Variants in PLCG2 observed in about 807,000 individuals in gnomAD.
PLCG2 encodes 1-phosphatidylinositol 4,5-bisphosphate phosphodiesterase gamma-2.
In PLCG2, 69 loss-of-function variants were observed where a neutral mutation model predicts 175.6. The ratio of observed to expected loss-of-function variants is 0.39; its 90% confidence interval spans 0.32 to 0.48. The LOEUF (loss-of-function observed/expected upper bound fraction) is 0.48, where lower values mean the gene tolerates loss of function less well. Among genes scored for constraint, PLCG2 ranks in the 20% least tolerant of loss-of-function variants. The probability of loss-of-function intolerance (pLI) is 0.91; values close to 1 mark genes in which losing one functional copy is unlikely to be tolerated. For missense variants in PLCG2, 1,798 were observed against 1,650.9 expected, an observed-to-expected ratio of 1.09 and a Z score of -1.54; for synonymous variants, 827 against 624.0, an observed-to-expected ratio of 1.33 and a Z score of -4.85.
intron 1 of PLCG2, among the ~76,000 whole-genome samples, chr16:81,748,921 A>G (rs1279140076): frequency 2.0e-5 from 3 of 152,196 alleles, no homozygotes; most frequent in East Asian, 1.9e-4. Flanking sequence ...AGTCTTGACT[A>G]TGACTGTACC....
chr16:81,900,102 G>A (rs1909080944), intron 13 of PLCG2, among the ~76,000 whole-genome samples: 1 of 29,090 alleles, frequency 3.4e-5, no homozygotes, highest in Admixed American at 5.0e-4. Flanking sequence ...ATAAATGTAT[G>A]CATGCACACA....
At chr16:81,846,970 G>C (rs1258561928) in intron 2 of PLCG2, among the ~76,000 whole-genome samples, 1 of 152,084 alleles carries the variant, frequency 6.6e-6, no homozygotes, top group African/African-American at 2.4e-5. Context: ...GTTCAATTCT[G>C]ATACTATCTA....
chr16:81,849,419 G>C (rs1160452658), intron 2 of PLCG2, among the ~76,000 whole-genome samples: 1 of 152,126 alleles, frequency 6.6e-6, no homozygotes, highest in African/African-American at 2.4e-5. Flanking sequence ...CTTTAGTTAT[G>C]TATAATTTTT....
At chr16:81,943,576 A>AACATGAGATTTGGGTGGGGACACAGAG (rs1302806102) in intron 30 of PLCG2, among the ~76,000 whole-genome samples, 5 of 152,144 alleles carry the variant, frequency 3.3e-5, no homozygotes, top group Non-Finnish European at 7.4e-5. Context: ...AGATTTCTTC[A>AACATGAGATTTGGGTGGGGACACAGAG]CCAATGTCCA....
chr16:81,769,807 G>C (rs998832406), intron 2 of PLCG2, among the ~76,000 whole-genome samples: 12 of 127,960 alleles, frequency 9.4e-5, no homozygotes, highest in African/African-American at 3.8e-4. Flanking sequence ...GCGACAGAGC[G>C]AGACTCCGTC....
In PLCG2 at chr16:81,873,334, A is replaced by G. The variant is rs57004254; in HGVS notation, c.648+2399A>G. Among the ~76,000 whole-genome samples, 899 of 152,342 alleles carry G rather than the reference A, an allele frequency of 5.9e-3. 8 individuals carry two copies. Among genetic ancestry groups the G allele is most frequent in the African/African-American group, 0.018 (759 of 41,570 alleles). ...TGTAACAACCACAACAAAAACCATGATTCATAAAAGCTTATCAGAATACTT... is the reference window on the plus strand; with the variant it reads ...TGTAACAACCACAACAAAAACCATGGTTCATAAAAGCTTATCAGAATACTT... On this transcript the variant is annotated intron_variant, in intron 7 of 32. Transcript: ENST00000564138.
chr16:81,841,121 T>C lies in PLCG2; in HGVS notation c.194-13323T>C, dbSNP rs74029247. Among the ~76,000 whole-genome samples the C allele has an allele frequency of 8.6e-3, 1,304 of 152,310 alleles. 22 individuals carry two copies. The highest frequency in any genetic ancestry group is 0.028 in the African/African-American group (1,162 of 41,556). On this transcript the variant is annotated intron_variant, in intron 2 of 32. Coordinates refer to ENST00000564138, the MANE Select transcript of PLCG2 (RefSeq NM_002661.5). ...ATTTTCGCCTCTGCTGTCAGCGCAG[T>C]GGCAACAACTCTGTTGTTTATTATC...
intron 1 of PLCG2, among the ~76,000 whole-genome samples, chr16:81,782,594 T>C (rs1213894386): frequency 6.6e-6 from 1 of 152,208 alleles, no homozygotes; most frequent in African/African-American, 2.4e-5. Flanking sequence ...TGTTTCCAAT[T>C]GCATCTCATA....
intron 1 of PLCG2, among the ~76,000 whole-genome samples, chr16:81,754,548 G>C (rs1312322654): frequency 1.4e-5 from 2 of 143,996 alleles, no homozygotes; most frequent in African/African-American, 5.2e-5. Context: ...GCTGGGTGGT[G>C]ATCCACTTGG....
intron 2 of PLCG2, among the ~76,000 whole-genome samples, chr16:81,832,044 C>G (rs894003371): frequency 4.6e-5 from 7 of 152,124 alleles, no homozygotes; most frequent in Non-Finnish European, 1.0e-4. Context: ...GGCACTCGGA[C>G]ACAGTTACCA....
At chr16:81,898,956 G>A (rs914526934) in intron 13 of PLCG2, among the ~76,000 whole-genome samples, 4 of 150,840 alleles carry the variant, frequency 2.7e-5, no homozygotes, top group South Asian at 2.1e-4. Context: ...AGGCTGAGGC[G>A]GGTGGATCAA....
chr16:81,845,707 C>G (rs886719169), intron 2 of PLCG2, among the ~76,000 whole-genome samples: 7 of 152,334 alleles, frequency 4.6e-5, no homozygotes, highest in African/African-American at 1.7e-4. Flanking sequence ...CAGCTCTGCA[C>G]CCCTGTGGGT....
rs144162712 is a variant in PLCG2, at chr16:81,948,717, T to G, written c.3570+2454T>G. On this transcript the variant is annotated intron_variant, in intron 31 of 32. Transcript: ENST00000564138. ...ACCTGGAGGGACACAAAGGCCCTCC[T>G]TATGCCTCATCAGCTAAAGTTGGTC... Among the ~76,000 whole-genome samples the G allele has an allele frequency of 2.4e-3, 373 of 152,298 alleles. 4 individuals carry two copies. Among genetic ancestry groups the G allele is most frequent in the African/African-American group, 8.5e-3 (352 of 41,564 alleles).
rs182821948 is a variant in PLCG2, at chr16:81,930,639, T to G, written c.2582-858T>G. ...GGTGTGCACCTGTGGTCTCAGCTAC[T>G]AGGGAGGCTGAGGTGGGAGGATCGC... On this transcript the variant is annotated intron_variant, in intron 24 of 32. Transcript: ENST00000564138. Among the ~76,000 whole-genome samples, 78 of 150,688 alleles carry G rather than the reference T, an allele frequency of 5.2e-4. 1 individual carries two copies. In the East Asian group the frequency reaches 0.011, roughly 21 times the overall value.
At chr16:81,774,731 A>G (rs1157710565), upstream of PLCG2, among the ~76,000 whole-genome samples, 2 of 147,790 alleles carry the variant, frequency 1.4e-5, no homozygotes, top group Non-Finnish European at 3.0e-5. Context: ...GTTTGAAATA[A>G]CCCTCTAAGG....
At chr16:81,859,067 T>G (rs747616636) in intron 4 of PLCG2, 49 bp from the exon 5 acceptor site, 1 of 1,170,240 alleles carries the variant, frequency 8.5e-7, no homozygotes, top group Non-Finnish European at 1.3e-6. Context: ...CTTGTGCTAT[T>G]TTCTAATTTT....
At chr16:81,881,853 T>C (rs1908097143) in intron 8 of PLCG2, among the ~76,000 whole-genome samples, 1 of 151,866 alleles carries the variant, frequency 6.6e-6, no homozygotes, top group South Asian at 2.1e-4. Context: ...GGTTTCACCA[T>C]GTTGGCCAGT....
At chr16:81,797,554 G>A (rs1199697818) in intron 2 of PLCG2, among the ~76,000 whole-genome samples, 2 of 152,204 alleles carry the variant, frequency 1.3e-5, no homozygotes, top group Admixed American at 1.3e-4. Context: ...TTCATAAGGG[G>A]GACTTCCCAG....
At chr16:81,744,803 C>T (rs930730093) in intron 1 of PLCG2, among the ~76,000 whole-genome samples, 2 of 151,458 alleles carry the variant, frequency 1.3e-5, no homozygotes, top group African/African-American at 4.9e-5. Context: ...TGGACTCAAA[C>T]AATTCTTCCG....
Sources: allele counts gnomAD v4.1 joint callset (sites outside exome capture counted in the v4.1 genomes callset), GRCh38; gene constraint gnomAD v4.1.1; transcripts MANE v1.5; gene names NCBI Gene and HGNC (gene_info 2026-07-23, HGNC 2026-07-21).